The following LAMC3 variants were observed in gnomAD, a reference collection of about 807,000 sequenced individuals.
The protein encoded by LAMC3 is laminin subunit gamma 3, also known as laminin subunit gamma-3.
In LAMC3, 128 loss-of-function variants were observed where a neutral mutation model predicts 173.8. The observed-to-expected ratio is 0.74, with a 90% confidence interval of 0.64 to 0.85. The LOEUF (loss-of-function observed/expected upper bound fraction) is 0.85, where lower values mean the gene tolerates loss of function less well. Among genes scored for constraint, LAMC3 ranks in the 40% least tolerant of loss-of-function variants. The probability of loss-of-function intolerance (pLI) is 0.00; values close to 1 mark genes in which losing one functional copy is unlikely to be tolerated. For synonymous variants in LAMC3, 897 were observed against 909.1 expected (o/e 0.99, Z 0.24); for missense variants, 2,022 against 2,156.0 (o/e 0.94, Z 1.23).
rs1280617204 is a variant in LAMC3, at chr9:131,079,294, C to A, written c.3923C>A (p.Thr1308Lys). 3.1e-6 allele frequency: 5 copies of A among 1,614,030 alleles called. No individual in the cohort carries two copies. The highest frequency in any genetic ancestry group is 4.2e-6 in the Non-Finnish European group (5 of 1,180,004). Residue 1308 changes from threonine to lysine, a missense_variant, in exon 23 of 28, where the codon ACA (threonine) becomes AAA (lysine). Transcript: ENST00000361069. ...ACGCTACGGCAAACAGAACCCCTCA[C>A]AAAGGTCAGCTCTTGTGCTTTGAAG... is the stretch of plus-strand genomic sequence containing the variant. ...QATLRQTEPLTKLHQEARAAL... is the reference protein window; with the variant it reads ...QATLRQTEPLKKLHQEARAAL...
At chr9:131,031,207 G>A (rs1304752878) in intron 2 of LAMC3, among the ~76,000 whole-genome samples, 1 of 152,256 alleles carries the variant, frequency 6.6e-6, no homozygotes, top group Non-Finnish European at 1.5e-5. Flanking sequence ...CTAAAGCAGG[G>A]GCTCCTGGGC....
At chr9:131,010,540 C>G (rs990215814) in intron 1 of LAMC3, among the ~76,000 whole-genome samples, 2 of 152,326 alleles carry the variant, frequency 1.3e-5, no homozygotes, top group African/African-American at 4.8e-5. Flanking sequence ...CTGAATTGGT[C>G]ACCCTCTAGG....
intron 6 of LAMC3, among the ~76,000 whole-genome samples, chr9:131,040,015 C>CTT (rs35416772): frequency 0.014 from 1,817 of 127,274 alleles, 36 homozygotes; most frequent in Non-Finnish European, 0.021. Flanking sequence ...AATTTAGAAG[C>CTT]TTTTTTTTTT....
At chr9:131,074,888 C>T (rs984315238) in intron 20 of LAMC3, among the ~76,000 whole-genome samples, 2 of 152,062 alleles carry the variant, frequency 1.3e-5, no homozygotes, top group African/African-American at 4.8e-5. Context: ...CCCAGGCTGT[C>T]GTGACCACTC....
rs896640682 is a variant in LAMC3 at position 131,036,162 on chromosome 9, C to T, written c.810-4C>T. On this transcript the variant is annotated splice_region_variant and splice_polypyrimidine_tract_variant and intron_variant, in intron 3 of 27. Transcript: ENST00000361069. ...TCCCCTTCCTCCTCTGTGTCTTTTC[C>T]CAGGTGCAAGTGCAACGGGCATGCC... is the stretch of plus-strand genomic sequence containing the variant. 5.0e-6 allele frequency: 8 copies of T among 1,613,240 alleles called. No individual in the cohort carries two copies. The highest frequency in any genetic ancestry group is 6.8e-6 in the Non-Finnish European group (8 of 1,179,908).
Position 131,092,156 on chromosome 9 carries a change from A to G in LAMC3, c.*369A>G. 3.3e-6 allele frequency: 1 copy of G among 303,064 alleles called. No homozygotes were observed. The highest frequency in any genetic ancestry group is 3.6e-5 in the South Asian group (1 of 27,798). The allele number at this position is 303,064 out of a possible 1,614,324, so 18.8% of individuals were successfully genotyped here. ...ACGGTCCACACACATTACAGTCCAC[A>G]GCTGTTGTGAGAGCCACCTGTGTGC... is the stretch of plus-strand genomic sequence containing the variant. On this transcript the variant is annotated 3_prime_UTR_variant, in exon 28 of 28. Coordinates refer to ENST00000361069, the MANE Select transcript of LAMC3 (RefSeq NM_006059.4).
chr9:131,084,411 A>C (rs1372418715), intron 24 of LAMC3, among the ~76,000 whole-genome samples: 1 of 151,748 alleles, frequency 6.6e-6, no homozygotes, highest in East Asian at 2.0e-4. Flanking sequence ...AGGTCTCACT[A>C]TGTTTCCTAG....
intron 1 of LAMC3, among the ~76,000 whole-genome samples, chr9:131,014,270 G>A (rs1391201178): frequency 1.3e-5 from 2 of 152,232 alleles, no homozygotes; most frequent in African/African-American, 2.4e-5. Flanking sequence ...CTCCTCCAGC[G>A]CCTTACATGT....
intron 27 of LAMC3, among the ~76,000 whole-genome samples, chr9:131,091,221 G>A (rs1191911201): frequency 6.6e-6 from 1 of 152,222 alleles, no homozygotes; most frequent in African/African-American, 2.4e-5. Context: ...ACACTGTTTT[G>A]TAAATGAGTA....
At chr9:131,032,814 A>C (rs1337415197) in intron 3 of LAMC3, among the ~76,000 whole-genome samples, 1 of 152,158 alleles carries the variant, frequency 6.6e-6, no homozygotes, top group Non-Finnish European at 1.5e-5. Flanking sequence ...GATTACAGGC[A>C]TGCGCCACCA....
At chr9:131,062,651 C>T (rs1332176622) in intron 13 of LAMC3, among the ~76,000 whole-genome samples, 1 of 152,068 alleles carries the variant, frequency 6.6e-6, no homozygotes, top group East Asian at 1.9e-4. Context: ...GGCGGATCAC[C>T]TGCGGTCCGG....
At chr9:131,039,619 C>T (rs1230270695) in intron 6 of LAMC3, among the ~76,000 whole-genome samples, 3 of 151,508 alleles carry the variant, frequency 2.0e-5, no homozygotes, top group Non-Finnish European at 4.4e-5. Flanking sequence ...GGGGAGGCTG[C>T]GTGGAGGCTA....
intron 9 of LAMC3, among the ~76,000 whole-genome samples, chr9:131,050,126 T>C (rs757349381): frequency 3.3e-5 from 5 of 152,356 alleles, no homozygotes; most frequent in Non-Finnish European, 5.9e-5. Context: ...CTCACTCTGT[T>C]CCATGGCCAC....
At chr9:131,081,695 G>A (rs750193496) in intron 23 of LAMC3, among the ~76,000 whole-genome samples, 11 of 152,130 alleles carry the variant, frequency 7.2e-5, no homozygotes, top group African/African-American at 9.7e-5. Context: ...GGCTGGTCTC[G>A]AACTCCTGAC....
Position 131,069,787 on chromosome 9 carries a change from C to T in LAMC3, c.3006C>T (p.Phe1002=), listed in dbSNP as rs891823845. The T allele has an allele frequency of 1.1e-5, 18 of 1,594,808 alleles. No homozygotes were observed. Among genetic ancestry groups the T allele is most frequent in the Non-Finnish European group, 1.5e-5 (17 of 1,170,768 alleles). ...YKCDRCHDNF[F]LTADGTHCQQ... ...GTGACCGCTGCCACGACAACTTCTTCCTCACGGCAGACGGCACACACTGCC... is the reference window on the plus strand; with the variant it reads ...GTGACCGCTGCCACGACAACTTCTTTCTCACGGCAGACGGCACACACTGCC... The change falls in exon 17 of 28, where the codon TTC becomes TTT. Residue 1002 remains phenylalanine, a synonymous_variant. Coordinates refer to ENST00000361069, the MANE Select transcript of LAMC3 (RefSeq NM_006059.4).
At chr9:131,033,542 G>A (rs370399562) in intron 3 of LAMC3, among the ~76,000 whole-genome samples, 2 of 152,132 alleles carry the variant, frequency 1.3e-5, no homozygotes, top group African/African-American at 4.8e-5. Context: ...TTGGCAGAGT[G>A]TCAGGGCCTG....
chr9:131,026,336 C>CT lies in LAMC3; in HGVS notation c.426dup (p.Glu143Ter). On this transcript the variant is annotated frameshift_variant, in exon 2 of 28. Transcript: ENST00000361069. LOFTEE classifies it high-confidence loss of function. The surrounding 1 kb of genome is among the most constrained non-coding windows in gnomAD (Gnocchi z 4.8). ...AGGCTGAAGTTCCACACCAGTCGCC[C>CT]TGAGAGCTTTGCCATCTACAAGCGC... 6.2e-7 allele frequency: 1 copy of CT among 1,614,212 alleles called. No homozygotes were observed. The highest frequency in any genetic ancestry group is 1.1e-5 in the South Asian group (1 of 91,090).
chr9:131,077,786 G>A (rs149936291), intron 22 of LAMC3, among the ~76,000 whole-genome samples: 143 of 148,124 alleles, frequency 9.7e-4, no homozygotes, highest in Admixed American at 2.4e-3. Context: ...TAACTATATT[G>A]CAGCTAAGTC....
chr9:131,077,853 AT>A lies in LAMC3; in HGVS notation c.3777+521del, dbSNP rs547548243. 3.2e-4 allele frequency among the ~76,000 whole-genome samples: 48 copies of A among 152,150 alleles called. No homozygotes were observed. The East Asian group carries it at 8.7e-3, about 28-fold the overall frequency. On this transcript the variant is annotated intron_variant, in intron 22 of 27. Transcript: ENST00000361069. Reference sequence around the variant, plus strand: ...GAGTCAGAGCTCAACCATTTCAACCATTCTCTGTTGATAATGTTAAGGCTGG... The same window carrying A: ...GAGTCAGAGCTCAACCATTTCAACCATCTCTGTTGATAATGTTAAGGCTGG...
Sources: allele counts gnomAD v4.1 joint callset (sites outside exome capture counted in the v4.1 genomes callset), GRCh38; gene constraint gnomAD v4.1.1; non-coding constraint Gnocchi (gnomAD v3.1); transcripts MANE v1.5; gene names NCBI Gene and HGNC (gene_info 2026-07-23, HGNC 2026-07-21).